The following GRM7 variants were observed in gnomAD, a reference collection of about 807,000 sequenced individuals.
GRM7 encodes the protein metabotropic glutamate receptor 7.
GRM7 carries 35 observed loss-of-function variants against 84.5 expected under a neutral mutation model. The observed-to-expected ratio is 0.41, with a 90% CI of 0.32 to 0.55. GRM7 has a LOEUF of 0.55. GRM7 is among the 20% of genes least tolerant of loss of function. GRM7 has a pLI of 0.19. For missense variants in GRM7, 1,003 were observed against 1,194.6 expected (o/e 0.84, Z 2.36); for synonymous variants, 487 against 455.1 (o/e 1.07, Z -0.89).
intron 2 of GRM7, among the ~76,000 whole-genome samples, chr3:7,261,575 G>C (rs1698423588): frequency 6.6e-6 from 1 of 152,042 alleles, no homozygotes; most frequent in African/African-American, 2.4e-5. Flanking sequence ...TTTTAATTGG[G>C]GCATTTAGCC....
chr3:7,056,281 T>A (rs899315980), intron 1 of GRM7, among the ~76,000 whole-genome samples: 4 of 151,962 alleles, frequency 2.6e-5, no homozygotes, highest in African/African-American at 7.2e-5. Context: ...TCTACAGGCA[T>A]CGTGGCCATG....
intron 4 of GRM7, among the ~76,000 whole-genome samples, chr3:7,370,727 C>T (rs1387157099): frequency 6.6e-6 from 1 of 152,048 alleles, no homozygotes; most frequent in Non-Finnish European, 1.5e-5. Flanking sequence ...GCCTTCAGAC[C>T]TCACCCTCCC....
At chr3:6,933,005 T>A (rs998723057) in intron 1 of GRM7, among the ~76,000 whole-genome samples, 1 of 152,138 alleles carries the variant, frequency 6.6e-6, no homozygotes, top group Non-Finnish European at 1.5e-5. Context: ...TCCACCTGCC[T>A]TGGCCTCCCA....
intron 8 of GRM7, among the ~76,000 whole-genome samples, chr3:7,614,381 T>C (rs1026958174): frequency 6.6e-6 from 1 of 152,198 alleles, no homozygotes; most frequent in African/African-American, 2.4e-5. Context: ...ACCATCCCTC[T>C]GTAGTTTGGA....
intron 8 of GRM7, chr3:7,636,373 T>G (rs2125100956): frequency 2.2e-6 from 1 of 450,504 alleles, no homozygotes. Flanking sequence ...TTCCTGAGCA[T>G]CTAATGGTGC....
At chr3:7,580,296 A>G (rs1053034086) in intron 8 of GRM7, among the ~76,000 whole-genome samples, 5 of 152,220 alleles carry the variant, frequency 3.3e-5, no homozygotes, top group African/African-American at 1.2e-4. Context: ...ACTGGGATCT[A>G]GAGTTCTAAC....
intron 8 of GRM7, among the ~76,000 whole-genome samples, chr3:7,644,775 C>T (rs1477344738): frequency 2.6e-5 from 4 of 152,090 alleles, no homozygotes; most frequent in Non-Finnish European, 5.9e-5. Flanking sequence ...AAGTTGTCCC[C>T]AAGACTTTGG....
intron 7 of GRM7, among the ~76,000 whole-genome samples, chr3:7,468,953 G>T (rs944475332): frequency 6.6e-6 from 1 of 152,160 alleles, no homozygotes; most frequent in Non-Finnish European, 1.5e-5. Flanking sequence ...CTTTAGAGCA[G>T]TGTGAAAACA....
At position 7,080,686 on chromosome 3, in the gene GRM7, G is replaced by A. The variant is rs551820242; in HGVS notation, c.520-65766G>A. ...TAAACACGCACATGTGTGTATATTTGTATATATATATACAAACTACGTATT... is the reference window on the plus strand; with the variant it reads ...TAAACACGCACATGTGTGTATATTTATATATATATATACAAACTACGTATT... On this transcript the variant is annotated intron_variant, in intron 1 of 9. Transcript: ENST00000357716. Among the ~76,000 whole-genome samples the A allele has an allele frequency of 2.0e-4, 28 of 139,666 alleles. No homozygotes were observed. In the South Asian group the frequency reaches 5.8e-3, roughly 29 times the overall value. 91.6% of individuals were successfully genotyped at this position (139,666 alleles called of 152,430 possible).
intron 8 of GRM7, among the ~76,000 whole-genome samples, chr3:7,657,027 A>G (rs1480773369): frequency 6.6e-6 from 1 of 152,230 alleles, no homozygotes; most frequent in Non-Finnish European, 1.5e-5. Flanking sequence ...GTTTTTCTAC[A>G]CACTCATATG....
chr3:7,547,185 GA>G (rs1354254860), intron 7 of GRM7, among the ~76,000 whole-genome samples: 11 of 145,042 alleles, frequency 7.6e-5, no homozygotes, highest in Non-Finnish European at 1.1e-4. Flanking sequence ...AGCCCCCAGA[GA>G]GTGAATTCTT....
At chr3:7,305,349 T>TAGAAAACTGTCA (rs1486852422) in intron 3 of GRM7, among the ~76,000 whole-genome samples, 5 of 51,966 alleles carry the variant, frequency 9.6e-5, no homozygotes, top group Non-Finnish European at 2.7e-4. Flanking sequence ...TTTTCTTTTT[T>TAGAAAACTGTCA]TTTTTTTTTA....
At chr3:7,738,899 C>T (rs1303541683) in intron 9 of GRM7, among the ~76,000 whole-genome samples, 2 of 152,058 alleles carry the variant, frequency 1.3e-5, no homozygotes, top group Non-Finnish European at 2.9e-5. Context: ...TGTACCCAAA[C>T]CAAGCGTATT....
intron 8 of GRM7, among the ~76,000 whole-genome samples, chr3:7,650,294 G>A (rs1427665991): frequency 2.0e-5 from 3 of 152,180 alleles, no homozygotes; most frequent in African/African-American, 7.2e-5. Context: ...GAATGAGGAT[G>A]TAAGTCCTCT....
At chr3:7,081,987 G>A (rs1698289355) in intron 1 of GRM7, among the ~76,000 whole-genome samples, 1 of 152,082 alleles carries the variant, frequency 6.6e-6, no homozygotes, top group South Asian at 2.1e-4. Flanking sequence ...TCTTAAAAAT[G>A]CATTGCCATC....
intron 2 of GRM7, among the ~76,000 whole-genome samples, chr3:7,204,552 C>G (rs1696171658): frequency 6.6e-6 from 1 of 152,180 alleles, no homozygotes; most frequent in South Asian, 2.1e-4. Context: ...GGCTGGTTCT[C>G]CCTGAAGCAC....
At chr3:7,377,783 T>A (rs191177341) in intron 4 of GRM7, among the ~76,000 whole-genome samples, 50 of 152,304 alleles carry the variant, frequency 3.3e-4, no homozygotes, top group African/African-American at 1.2e-3. Flanking sequence ...TGGGAAATTA[T>A]ATGAGTTCAA....
chr3:7,393,343 G>A (rs1362432281), intron 4 of GRM7, among the ~76,000 whole-genome samples: 1 of 152,104 alleles, frequency 6.6e-6, no homozygotes, highest in African/African-American at 2.4e-5. Flanking sequence ...TGAGCTTCAG[G>A]TGGCTTTGTA....
chr3:7,608,371 A>G (rs1696691869), intron 8 of GRM7, among the ~76,000 whole-genome samples: 1 of 152,092 alleles, frequency 6.6e-6, no homozygotes, highest in African/African-American at 2.4e-5. Flanking sequence ...TATTCCTGCA[A>G]CCTTGCCAGC....
Sources: allele counts gnomAD v4.1 joint callset (sites outside exome capture counted in the v4.1 genomes callset), GRCh38; gene constraint gnomAD v4.1.1; transcripts MANE v1.5; gene names NCBI Gene and HGNC (gene_info 2026-07-23, HGNC 2026-07-21).